Variants in FRMD5 observed in about 807,000 individuals in gnomAD.
The protein encoded by FRMD5 is FERM domain containing 5.
In FRMD5, 20 loss-of-function variants were observed where a neutral mutation model predicts 69.0. The observed-to-expected ratio is 0.29, with a 90% CI of 0.20 to 0.42. The LOEUF is 0.42. Among genes scored for constraint, FRMD5 ranks in the 10% least tolerant of loss-of-function variants. FRMD5 has a pLI of 1.00. For synonymous variants in FRMD5, 271 were observed against 260.1 expected (o/e 1.04, Z -0.40); for missense variants, 595 against 708.6 (o/e 0.84, Z 1.82).
chr15:44,156,846 T>G (rs1356936907), intron 1 of FRMD5, among the ~76,000 whole-genome samples: 1 of 152,170 alleles, frequency 6.6e-6, no homozygotes, highest in Non-Finnish European at 1.5e-5. Context: ...GCAGGAGGAC[T>G]GCTCCAGCTC....
chr15:44,038,756 G>A (rs1338036629), intron 1 of FRMD5, among the ~76,000 whole-genome samples: 1 of 151,914 alleles, frequency 6.6e-6, no homozygotes, highest in Non-Finnish European at 1.5e-5. Flanking sequence ...GAGGGGTCAG[G>A]GGATTTCCCA....
chr15:44,131,725 G>A (rs925495327), intron 1 of FRMD5, among the ~76,000 whole-genome samples: 2 of 35,656 alleles, frequency 5.6e-5, no homozygotes, highest in African/African-American at 1.0e-4. Flanking sequence ...ACCTATATAA[G>A]GTACTTACAC....
intron 1 of FRMD5, among the ~76,000 whole-genome samples, chr15:43,951,352 G>A: frequency 6.6e-6 from 1 of 151,446 alleles, no homozygotes; most frequent in Admixed American, 6.6e-5. Flanking sequence ...AACCCAGGAG[G>A]CGGCACTTGC....
At chr15:44,031,392 A>G (rs1435124559) in intron 1 of FRMD5, among the ~76,000 whole-genome samples, 1 of 152,156 alleles carries the variant, frequency 6.6e-6, no homozygotes. Flanking sequence ...CTTATAAACA[A>G]CAGAAATTTA....
intron 1 of FRMD5, among the ~76,000 whole-genome samples, chr15:44,051,325 T>C (rs1246153387): frequency 6.7e-6 from 1 of 148,492 alleles, no homozygotes; most frequent in Non-Finnish European, 1.5e-5. Flanking sequence ...CTAATTTTTG[T>C]ATTTTTAGTA....
chr15:44,175,974 A>C (rs2077887834), intron 1 of FRMD5, among the ~76,000 whole-genome samples: 1 of 152,218 alleles, frequency 6.6e-6, no homozygotes, highest in Non-Finnish European at 1.5e-5. Context: ...ATTGATCAAC[A>C]GATTCAATAC....
chr15:44,013,010 C>T (rs1890793699), intron 1 of FRMD5, among the ~76,000 whole-genome samples: 2 of 152,146 alleles, frequency 1.3e-5, no homozygotes, highest in Non-Finnish European at 2.9e-5. Context: ...AGGTGATCCG[C>T]CCTCCTTGGC....
chr15:44,034,309 T>C lies in FRMD5; in HGVS notation c.103-110000A>G, dbSNP rs372660909. ...AGGAATGATTACTGTTCATTCAACC[T>C]CCTTTTTCAGCAATTTATTTTTTCA... On this transcript the variant is annotated intron_variant, in intron 1 of 13. Transcript: ENST00000417257. Among the ~76,000 whole-genome samples the C allele has an allele frequency of 2.8e-4, 42 of 152,350 alleles. 1 individual carries two copies. The highest frequency in any genetic ancestry group is 1.0e-3 in the African/African-American group (42 of 41,580).
At chr15:43,948,521 A>G (rs971484654) in intron 1 of FRMD5, among the ~76,000 whole-genome samples, 1 of 152,228 alleles carries the variant, frequency 6.6e-6, no homozygotes, top group African/African-American at 2.4e-5. Flanking sequence ...TAAATGTCAA[A>G]TCCTCCTTGT....
chr15:44,080,917 C>A (rs1011266458), intron 1 of FRMD5, among the ~76,000 whole-genome samples: 1 of 151,976 alleles, frequency 6.6e-6, no homozygotes, highest in African/African-American at 2.4e-5. Context: ...CAGAGGTTTG[C>A]GACTAGGCCA....
At position 43,888,083 on chromosome 15, in the gene FRMD5, G is replaced by A. The variant is rs549124363; in HGVS notation, c.884+92C>T. ...GCTCTTGCCCACTTCCAGCTACCCC[G>A]CCCCAAGTTCCTGGGCACTTGGCCT... On this transcript the variant is annotated intron_variant, in intron 10 of 13. Transcript: ENST00000417257. 401 of 952,776 alleles carry A rather than the reference G, an allele frequency of 4.2e-4. 1 individual carries two copies. The highest frequency in any genetic ancestry group is 2.1e-3 in the East Asian group (84 of 40,178). 59.0% of individuals were successfully genotyped at this position (952,776 alleles called of 1,614,324 possible). A position where few individuals can be genotyped will look rare whatever the true frequency, so the allele number is the denominator to read the frequency against.
At chr15:44,031,783 T>C (rs1226463162) in intron 1 of FRMD5, among the ~76,000 whole-genome samples, 1 of 152,124 alleles carries the variant, frequency 6.6e-6, no homozygotes, top group Non-Finnish European at 1.5e-5. Context: ...TATCCTTACA[T>C]CTGCCTTAAC....
chr15:44,080,506 G>C (rs571511512), intron 1 of FRMD5, among the ~76,000 whole-genome samples: 1 of 152,098 alleles, frequency 6.6e-6, no homozygotes. Context: ...CTCAAAAGTT[G>C]ATGGGAGAGG....
chr15:43,958,463 C>T (rs1019103218), intron 1 of FRMD5, among the ~76,000 whole-genome samples: 5 of 152,164 alleles, frequency 3.3e-5, no homozygotes, highest in Non-Finnish European at 5.9e-5. Context: ...CTCACTCTGT[C>T]GCCCAGGAGC....
upstream of FRMD5, among the ~76,000 whole-genome samples, chr15:44,196,042 TATAC>T (rs1300399600): frequency 6.6e-6 from 1 of 152,144 alleles, no homozygotes; most frequent in Non-Finnish European, 1.5e-5. Flanking sequence ...TGTCAGGAGG[TATAC>T]ATCACAAAGA....
intron 1 of FRMD5, among the ~76,000 whole-genome samples, chr15:43,965,576 C>CTTTT (rs35986581): frequency 1.6e-4 from 18 of 110,396 alleles, no homozygotes; most frequent in South Asian, 3.0e-4. Flanking sequence ...TTTAAAAAGT[C>CTTTT]TTTTTTTTTT....
chr15:43,942,478 G>T (rs1191997644), intron 1 of FRMD5, among the ~76,000 whole-genome samples: 1 of 152,182 alleles, frequency 6.6e-6, no homozygotes, highest in Non-Finnish European at 1.5e-5. Context: ...TTAATGGAAT[G>T]GCTTTGCTTT....
Position 44,118,408 on chromosome 15 carries a change from T to C in FRMD5, c.102+76545A>G, listed in dbSNP as rs535156980. Among the ~76,000 whole-genome samples the C allele has an allele frequency of 1.1e-4, 16 of 152,312 alleles. No individual in the cohort carries two copies. The South Asian group carries it at 3.3e-3, about 32-fold the overall frequency. On this transcript the variant is annotated intron_variant, in intron 1 of 13. Transcript: ENST00000417257. ...GGGCTCTAAAAATCCAGAACATATT[T>C]GTGGTCTCCTCCTCTGACCACTACA...
At chr15:43,897,487 CAAAAAAAAAAAAA>C (rs34243475) in intron 7 of FRMD5, among the ~76,000 whole-genome samples, 4 of 16,144 alleles carry the variant, frequency 2.5e-4, no homozygotes, top group South Asian at 2.5e-3. Flanking sequence ...CACTCCATCT[CAAAAAAAAAAAAA>C]AAAAAAAAAA....
Sources: allele counts gnomAD v4.1 joint callset (sites outside exome capture counted in the v4.1 genomes callset), GRCh38; gene constraint gnomAD v4.1.1; transcripts MANE v1.5; gene names NCBI Gene and HGNC (gene_info 2026-07-23, HGNC 2026-07-21).